The following ZBED6 variants were observed in gnomAD, a reference collection of about 807,000 sequenced individuals.
The protein encoded by ZBED6 is zinc finger BED-type containing 6.
ZBED6 carries 40 observed loss-of-function variants against 58.4 expected under a neutral mutation model. That is an observed-to-expected ratio of 0.68 (90% CI 0.53 to 0.89). The LOEUF is 0.89. Ranked by LOEUF, ZBED6 falls within the 40% of genes least tolerant of loss-of-function variation. ZBED6 has a pLI of 0.00. For missense variants in ZBED6, 1,057 were observed against 1,003.9 expected (o/e 1.05, Z -0.71); for synonymous variants, 439 against 350.6 (o/e 1.25, Z -2.82).
chr1:203,831,758 C>A lies in ZBED6; in HGVS notation c.*3497C>A, dbSNP rs141612045. 4,469 of 1,611,782 alleles carry A rather than the reference C, an allele frequency of 2.8e-3. 17 individuals carry two copies. The highest frequency in any genetic ancestry group is 3.0e-3 in the Non-Finnish European group (3,548 of 1,178,842). On this transcript the variant is annotated 3_prime_UTR_variant, in exon 8 of 17. Transcript: ENST00000550078. The stretch of plus-strand genomic sequence containing the variant: ...GGACTGTGGTGAGGACAGTAACTCT[C>A]TCCACCAAACAAGGTAAGGTATAGA...
At chr1:203,806,576 T>G (rs1002887897) in intron 1 of ZBED6, among the ~76,000 whole-genome samples, 1 of 152,194 alleles carries the variant, frequency 6.6e-6, no homozygotes, top group Non-Finnish European at 1.5e-5. Context: ...GTGCTGGGAT[T>G]ATAGGCATGA....
chr1:203,837,031 A>C (rs188375352), intron 9 of ZBED6, among the ~76,000 whole-genome samples: 6 of 152,256 alleles, frequency 3.9e-5, no homozygotes, highest in Admixed American at 2.6e-4. Flanking sequence ...GGGGCCTGGC[A>C]TAGTGCTGTA....
chr1:203,809,330 C>T (rs374981248), intron 1 of ZBED6, among the ~76,000 whole-genome samples: 4 of 151,848 alleles, frequency 2.6e-5, no homozygotes, highest in Admixed American at 6.6e-5. Context: ...CGCACACTAC[C>T]GTGCCCGGCT....
intron 1 of ZBED6, among the ~76,000 whole-genome samples, chr1:203,811,837 T>A (rs1034802851): frequency 6.6e-6 from 1 of 151,382 alleles, no homozygotes; most frequent in African/African-American, 2.4e-5. Context: ...TTTTTTTTTT[T>A]AGACAGGTCT....
At chr1:203,817,081 AAGG>A (rs746601577) in exon 2 of ZBED6, 3 of 1,609,416 alleles carry the variant, frequency 1.9e-6, no homozygotes, top group Non-Finnish European at 1.7e-6. Flanking sequence ...ATGCCTAATC[AAGG>A]AGAAGACTGC....
At chr1:203,826,107 G>A (rs532010341) in intron 3 of ZBED6, among the ~76,000 whole-genome samples, 38 of 152,266 alleles carry the variant, frequency 2.5e-4, no homozygotes, top group African/African-American at 8.4e-4. Context: ...CTTGAGAAAG[G>A]AAGAATTGAA....
chr1:203,814,474 A>G (rs983986646), intron 1 of ZBED6, among the ~76,000 whole-genome samples: 2 of 152,190 alleles, frequency 1.3e-5, no homozygotes, highest in Non-Finnish European at 2.9e-5. Context: ...CAGTGAGCCA[A>G]GATGGCACCA....
intron 11 of ZBED6, among the ~76,000 whole-genome samples, chr1:203,843,180 T>C (rs2103313541): frequency 6.6e-6 from 1 of 152,352 alleles, no homozygotes; most frequent in East Asian, 1.9e-4. Flanking sequence ...GCAGGTTCAC[T>C]GTTGTGGATC....
At chr1:203,837,355 T>G (rs957027023) in intron 9 of ZBED6, among the ~76,000 whole-genome samples, 6 of 152,010 alleles carry the variant, frequency 3.9e-5, no homozygotes, top group Admixed American at 2.6e-4. Context: ...TGAACTTTAA[T>G]CTCAACCAGG....
chr1:203,819,898 C>T (rs781098774), intron 3 of ZBED6, among the ~76,000 whole-genome samples: 3 of 151,658 alleles, frequency 2.0e-5, no homozygotes, highest in Non-Finnish European at 4.4e-5. Context: ...CCTTTGATCT[C>T]ACTCAAATTT....
At chr1:203,829,214 C>A in intron 4 of ZBED6, 1 of 559,640 alleles carries the variant, frequency 1.8e-6, no homozygotes, top group South Asian at 2.2e-5. Context: ...TTCTAGTCTT[C>A]TGTTGATTCT....
chr1:203,830,001 A>C, intron 6 of ZBED6, 105 bp downstream of exon 6: 1 of 1,271,652 alleles, frequency 7.9e-7, no homozygotes, highest in Non-Finnish European at 1.1e-6. Flanking sequence ...TGCTACACGC[A>C]TACTTACCTA....
At position 203,826,199 on chromosome 1, in the gene ZBED6, T is replaced by C. The variant is rs148138432; in HGVS notation, c.*2874-2100T>C. Among the ~76,000 whole-genome samples, 622 of 152,338 alleles carry C rather than the reference T, an allele frequency of 4.1e-3. 2 individuals are homozygous for C. The highest frequency in any genetic ancestry group is 6.4e-3 in the Non-Finnish European group (438 of 68,018). On this transcript the variant is annotated intron_variant, in intron 3 of 16. Coordinates refer to ENST00000550078, the Ensembl canonical transcript of ZBED6. ...TGACAGAGGACTAATAAATTCTTCC[T>C]AGTTCTTTGAAAGTAACGGTATTTG...
At chr1:203,810,609 T>C (rs956374981) in intron 1 of ZBED6, among the ~76,000 whole-genome samples, 8 of 151,982 alleles carry the variant, frequency 5.3e-5, no homozygotes, top group Middle Eastern at 3.4e-3. Flanking sequence ...TTAGTAGAGA[T>C]GGGGTTTCAC....
chr1:203,816,150 C>G (rs911171836), intron 1 of ZBED6, among the ~76,000 whole-genome samples: 1 of 152,224 alleles, frequency 6.6e-6, no homozygotes, highest in East Asian at 1.9e-4. Context: ...AATAAAAATG[C>G]TTGTGAAAAT....
chr1:203,830,344 A>G (rs1681852233), intron 7 of ZBED6, 141 bp downstream of exon 7: 1 of 695,466 alleles, frequency 1.4e-6, no homozygotes, highest in African/African-American at 1.8e-5. Context: ...ACTTATTTAA[A>G]TTGTGGTTGC....
At chr1:203,806,940 T>A (rs1672597439) in intron 1 of ZBED6, among the ~76,000 whole-genome samples, 1 of 99,414 alleles carries the variant, frequency 1.0e-5, no homozygotes, top group Admixed American at 8.1e-5. Flanking sequence ...TACTACAGGA[T>A]TTTTTTTGTT....
chr1:203,806,580 GGCATGA>G (rs1203896350), intron 1 of ZBED6, among the ~76,000 whole-genome samples: 1 of 152,148 alleles, frequency 6.6e-6, no homozygotes, highest in Admixed American at 6.6e-5. Flanking sequence ...TGGGATTATA[GGCATGA>G]GCCACCGTGC....
intron 4 of ZBED6, 86 bp from the exon 5 acceptor site, chr1:203,829,365 T>TATA: frequency 7.5e-7 from 1 of 1,337,086 alleles, no homozygotes; most frequent in Non-Finnish European, 1.1e-6. Flanking sequence ...ACAAATACAC[T>TATA]ATAGTTTTCA....
Sources: gnomAD v4.1 joint callset for allele counts (sites outside exome capture counted in the v4.1 genomes callset) on GRCh38, gnomAD v4.1.1 for gene constraint, MANE v1.5 for transcripts, NCBI Gene and HGNC (gene_info 2026-07-23, HGNC 2026-07-21) for gene names.